The following LMBR1 variants were observed in gnomAD, a reference collection of about 807,000 sequenced individuals.
The protein encoded by LMBR1 is limb development membrane protein 1.
In LMBR1, 52 loss-of-function variants were observed where a neutral mutation model predicts 73.9. The observed-to-expected ratio is 0.70, with a 90% confidence interval of 0.56 to 0.89. The LOEUF is 0.89. Among genes scored for constraint, LMBR1 ranks in the 40% least tolerant of loss-of-function variants. The probability of loss-of-function intolerance (pLI) is 0.00; values close to 1 mark genes in which losing one functional copy is unlikely to be tolerated. For missense variants in LMBR1, 539 were observed against 579.8 expected (o/e 0.93, Z 0.72); for synonymous variants, 215 against 209.4 (o/e 1.03, Z -0.23).
chr7:156,796,239 C>G lies in LMBR1; in HGVS notation c.423+150G>C, dbSNP rs932875672. 118 of 580,380 alleles carry G rather than the reference C, an allele frequency of 2.0e-4. 1 individual carries two copies. Among genetic ancestry groups the G allele is most frequent in the Non-Finnish European group, 3.7e-5 (12 of 325,814 alleles). 36.0% of individuals were successfully genotyped at this position (580,380 alleles called of 1,614,324 possible). On this transcript the variant is annotated intron_variant, in intron 5 of 16. Transcript: ENST00000353442. The stretch of plus-strand genomic sequence containing the variant: ...CAAAGTAATTCAATATGCAGAATTA[C>G]TGTTATTGTTAACAATGTGTTATCA...
chr7:156,784,558 C>T (rs1202022314), intron 5 of LMBR1, among the ~76,000 whole-genome samples: 1 of 152,210 alleles, frequency 6.6e-6, no homozygotes, highest in East Asian at 1.9e-4. Context: ...TTATGTCCTT[C>T]AGTAGCAGAG....
intron 15 of LMBR1, among the ~76,000 whole-genome samples, chr7:156,702,195 G>A (rs919499170): frequency 5.3e-5 from 8 of 152,118 alleles, no homozygotes; most frequent in East Asian, 1.9e-4. Context: ...TTGGGGAATC[G>A]CCACACTGTC....
intron 9 of LMBR1, among the ~76,000 whole-genome samples, chr7:156,736,158 T>G (rs1004159158): frequency 2.6e-4 from 40 of 152,308 alleles, no homozygotes; most frequent in African/African-American, 8.2e-4. Flanking sequence ...GTCAGTTTCT[T>G]GGAGAGCCGT....
intron 4 of LMBR1, among the ~76,000 whole-genome samples, chr7:156,803,841 T>C (rs1271512332): frequency 6.6e-6 from 1 of 151,790 alleles, no homozygotes; most frequent in African/African-American, 2.4e-5. Context: ...ATGTCCTTTG[T>C]AGGGACATGG....
At chr7:156,766,167 G>A (rs1447960556) in intron 5 of LMBR1, among the ~76,000 whole-genome samples, 1 of 152,046 alleles carries the variant, frequency 6.6e-6, no homozygotes, top group Non-Finnish European at 1.5e-5. Context: ...ACAAGCAGAG[G>A]CAGGGACAGA....
chr7:156,829,534 C>CA (rs1202517292), intron 3 of LMBR1, among the ~76,000 whole-genome samples: 1 of 149,452 alleles, frequency 6.7e-6, no homozygotes, highest in Non-Finnish European at 1.5e-5. Context: ...AGAAGCCAAG[C>CA]AGATGGCAGT....
intron 1 of LMBR1, among the ~76,000 whole-genome samples, chr7:156,883,890 C>G (rs914790200): frequency 3.3e-5 from 5 of 152,166 alleles, no homozygotes; most frequent in Non-Finnish European, 5.9e-5. Context: ...CTTTAACATA[C>G]TCACATCTGC....
intron 4 of LMBR1, among the ~76,000 whole-genome samples, chr7:156,804,126 T>TA (rs1177826817): frequency 6.6e-6 from 1 of 152,096 alleles, no homozygotes; most frequent in Admixed American, 6.5e-5. Context: ...ACATGTAACC[T>TA]AAAACTTAAA....
intron 9 of LMBR1, 86 bp from the exon 10 acceptor site, chr7:156,734,343 C>T (rs780023920): frequency 2.0e-5 from 15 of 750,180 alleles, no homozygotes; most frequent in South Asian, 4.8e-5. Context: ...TCTAAAATAA[C>T]ACATGGCAAA....
In LMBR1 at chr7:156,886,047, G is replaced by GAA. The variant is rs59110740; in HGVS notation, c.66+6879_66+6880dup. Among the ~76,000 whole-genome samples the GAA allele has an allele frequency of 6.7e-4, 77 of 115,780 alleles. 1 individual carries two copies. The highest frequency in any genetic ancestry group is 9.2e-4 in the Non-Finnish European group (50 of 54,280). 76.0% of individuals were successfully genotyped at this position (115,780 alleles called of 152,430 possible). On this transcript the variant is annotated intron_variant, in intron 1 of 16. Transcript: ENST00000353442. ...AGAGTGAGACTCTGCCTCAAAAAAA[G>GAA]AAAAAAAAAAAAAAAAAGACTTCCT... is the stretch of plus-strand genomic sequence containing the variant.
intron 1 of LMBR1, among the ~76,000 whole-genome samples, chr7:156,843,158 C>T (rs1048942203): frequency 1.3e-5 from 2 of 152,176 alleles, no homozygotes; most frequent in Non-Finnish European, 2.9e-5. Flanking sequence ...TTCCTGCCAG[C>T]CTTTAAACAA....
At position 156,680,299 on chromosome 7, in the gene LMBR1, A is replaced by G. The variant is rs1804781290; in HGVS notation, c.*3779T>C. On this transcript the variant is annotated 3_prime_UTR_variant, in exon 17 of 17. Transcript: ENST00000353442. ...GTCTAGTATTTTTAAAAATAATAAA[A>G]CAGAAGATGCCAGCATGCACACTTA... 6.6e-6 allele frequency: 1 copy of G among 152,218 alleles called. No individual in the cohort carries two copies. Among genetic ancestry groups the G allele is most frequent in the South Asian group, 2.1e-4 (1 of 4,824 alleles). 9.4% of individuals were successfully genotyped at this position (152,218 alleles called of 1,614,324 possible).
At chr7:156,698,325 T>G (rs1180378546) in intron 15 of LMBR1, among the ~76,000 whole-genome samples, 1 of 152,234 alleles carries the variant, frequency 6.6e-6, no homozygotes, top group Admixed American at 6.5e-5. Context: ...TTTTGAGGTC[T>G]GGAAGATGGT....
chr7:156,813,382 C>G (rs1563428226), intron 4 of LMBR1, among the ~76,000 whole-genome samples: 1 of 152,202 alleles, frequency 6.6e-6, no homozygotes, highest in Non-Finnish European at 1.5e-5. Flanking sequence ...GTTACCTACT[C>G]TATTTCAAGT....
chr7:156,881,865 T>C (rs1801147652), intron 1 of LMBR1, among the ~76,000 whole-genome samples: 1 of 151,440 alleles, frequency 6.6e-6, no homozygotes, highest in Non-Finnish European at 1.5e-5. Flanking sequence ...ATCGGAACCC[T>C]TGCACACTTG....
intron 1 of LMBR1, among the ~76,000 whole-genome samples, chr7:156,888,025 A>C (rs1371917578): frequency 1.3e-5 from 2 of 152,244 alleles, no homozygotes; most frequent in African/African-American, 4.8e-5. Flanking sequence ...GTTGGTGAAG[A>C]TGCGGAAGAA....
At chr7:156,870,061 T>C (rs887224935) in intron 1 of LMBR1, among the ~76,000 whole-genome samples, 1 of 152,178 alleles carries the variant, frequency 6.6e-6, no homozygotes, top group Non-Finnish European at 1.5e-5. Flanking sequence ...TACATAAATA[T>C]ATAAAGCAAA....
intron 4 of LMBR1, among the ~76,000 whole-genome samples, chr7:156,808,547 T>A (rs150762515): frequency 6.6e-6 from 1 of 152,226 alleles, no homozygotes; most frequent in Non-Finnish European, 1.5e-5. Context: ...TGCCTTTTAG[T>A]TGTAGTGTTT....
rs1818416581 is a variant in LMBR1, at chr7:156,739,052, T to C, written c.758-4795A>G. Reference sequence around the variant, plus strand: ...GGCCCCCGAAACCAGGCCTAGGCTATTGAACAGCATTTCTAGACCTGCCCT... The same window carrying C: ...GGCCCCCGAAACCAGGCCTAGGCTACTGAACAGCATTTCTAGACCTGCCCT... On this transcript the variant is annotated intron_variant, in intron 9 of 16. Transcript: ENST00000353442. Among the ~76,000 whole-genome samples, 3 of 152,220 alleles carry C rather than the reference T, an allele frequency of 2.0e-5. No individual in the cohort carries two copies. In the South Asian group the frequency reaches 6.2e-4, roughly 32 times the overall value.
Sources: allele counts gnomAD v4.1 joint callset (sites outside exome capture counted in the v4.1 genomes callset), GRCh38; gene constraint gnomAD v4.1.1; transcripts MANE v1.5; gene names NCBI Gene and HGNC (gene_info 2026-07-23, HGNC 2026-07-21).